The following SCARF1 variants were observed in gnomAD, a reference collection of about 807,000 sequenced individuals.
SCARF1 encodes acetyl LDL receptor.
SCARF1 carries 49 observed loss-of-function variants against 76.3 expected under a neutral mutation model. The observed-to-expected ratio is 0.64, with a 90% CI of 0.51 to 0.81. SCARF1 has a LOEUF of 0.81. Among genes scored for constraint, SCARF1 ranks in the 40% least tolerant of loss-of-function variants. The pLI is 0.00. For synonymous variants in SCARF1, 495 were observed against 474.6 expected, an observed-to-expected ratio of 1.04 and a Z score of -0.56; for missense variants, 1,098 against 1,143.9, an observed-to-expected ratio of 0.96 and a Z score of 0.58.
rs532436317 is a variant in SCARF1, at chr17:1,637,336, C to T, written c.1365-274G>A. 5.5e-3 allele frequency among the ~76,000 whole-genome samples: 399 copies of T among 73,168 alleles called. 1 individual carries two copies. Among genetic ancestry groups the T allele is most frequent in the Non-Finnish European group, 0.01 (291 of 28,030 alleles). The allele number at this position is 73,168 out of a possible 152,430, so 48.0% of individuals were successfully genotyped here. ...CATCTGTAAAACAGATCCTATCTAT[C>T]TATCTATCTATCTATCTATCTATCT... On this transcript the variant is annotated intron_variant, in intron 8 of 10. Coordinates refer to ENST00000263071, the MANE Select transcript of SCARF1 (RefSeq NM_003693.4).
intron 6 of SCARF1, 30 bp downstream of exon 6, chr17:1,639,882 C>T (rs757008661): frequency 6.2e-7 from 1 of 1,611,842 alleles, no homozygotes; most frequent in South Asian, 1.1e-5. Context: ...GCCCCTGGCA[C>T]TCTCCCGCCC....
intron 7 of SCARF1, among the ~76,000 whole-genome samples, chr17:1,639,150 G>C (rs1909833990): frequency 6.6e-6 from 1 of 152,310 alleles, no homozygotes; most frequent in East Asian, 1.9e-4. Flanking sequence ...GGTTTCGCAG[G>C]GGCGGGGGCT....
At chr17:1,635,900 G>A (rs1331810766) in intron 10 of SCARF1, among the ~76,000 whole-genome samples, 2 of 151,892 alleles carry the variant, frequency 1.3e-5, no homozygotes. Flanking sequence ...GGGATCACAG[G>A]TGTGAGTCAC....
Position 1,639,920 on chromosome 17 carries a change from C to G in SCARF1, c.1131G>C (p.Trp377Cys), listed in dbSNP as rs766461580. 6.2e-7 allele frequency: 1 copy of G among 1,613,438 alleles called. No individual in the cohort carries two copies. The highest frequency in any genetic ancestry group is 1.3e-5 in the African/African-American group (1 of 74,932). Residue 377 changes from tryptophan to cysteine, a missense_variant, in exon 6 of 11, where the codon TGG becomes TGC. Coordinates refer to ENST00000263071, the MANE Select transcript of SCARF1 (RefSeq NM_003693.4). The stretch of plus-strand genomic sequence containing the variant: ...GGGATCCCCATCCTTACCTGGGCCC[C>G]CAGTAGCCGGCACTGCAGACACAGT... ...TGDCVCSAGY[W>C]GPSCNASCPA...
Position 1,635,397 on chromosome 17 carries a change from C to A in SCARF1, c.1854G>T (p.Arg618Ser), listed in dbSNP as rs367744850. ...ELSSPLRKPK[R>S]LSRGAQSGPE... The stretch of plus-strand genomic sequence containing the variant: ...GACCCGACTGCGCCCCCCGGGAGAG[C>A]CTCTTGGGCTTTCGGAGCGGGCTGG... Residue 618 changes from arginine (R) to serine (S), a missense_variant, in exon 11 of 11, where the codon AGG (arginine) becomes AGT (serine). Physicochemically the swap from Arg to Ser is moderately radical, Grantham distance 110. Coordinates refer to ENST00000263071, the MANE Select transcript of SCARF1 (RefSeq NM_003693.4). The A allele has an allele frequency of 1.2e-6, 2 of 1,613,748 alleles. No homozygotes were observed. The highest frequency in any genetic ancestry group is 1.3e-5 in the African/African-American group (1 of 75,064).
chr17:1,644,463 C>T lies in SCARF1; in HGVS notation c.265+371G>A. 3.0e-6 allele frequency: 1 copy of T among 328,708 alleles called. No individual in the cohort carries two copies. The highest frequency in any genetic ancestry group is 5.6e-6 in the Non-Finnish European group (1 of 177,502). 20.4% of individuals were successfully genotyped at this position (328,708 alleles called of 1,614,324 possible). A position where few individuals can be genotyped will look rare whatever the true frequency, so the allele number is the denominator to read the frequency against. ...CAACCCCTTTCCCTTCCCTCTCTTT[C>T]TGCCAGAGAGGGCAGAGAGCCCAGC... On this transcript the variant is annotated intron_variant, in intron 3 of 10. Coordinates refer to ENST00000263071, the MANE Select transcript of SCARF1 (RefSeq NM_003693.4). This position sits in a 1 kb window ranked among gnomAD's most constrained non-coding sequence, Gnocchi z 4.8.
intron 7 of SCARF1, among the ~76,000 whole-genome samples, 180 bp downstream of exon 7, chr17:1,639,459 C>T (rs960909851): frequency 5.3e-5 from 8 of 150,006 alleles, no homozygotes; most frequent in African/African-American, 2.0e-4. Context: ...GAGCTGACAT[C>T]ACACCACTGC....
In SCARF1 at chr17:1,634,815, C is replaced by A; in HGVS notation, c.2436G>T (p.Arg812Ser). Residue 812 changes from arginine to serine, a missense_variant, in exon 11 of 11, where the codon AGG becomes AGT. Transcript: ENST00000263071. ...QDPQKQAEEE[R>S]QEEPEYENVV... ...CATTCTCATACTCAGGTTCCTCCTGCCTTTCCTCTTCAGCCTGCTTCTGGG... is the reference window on the plus strand; with the variant it reads ...CATTCTCATACTCAGGTTCCTCCTGACTTTCCTCTTCAGCCTGCTTCTGGG... The A allele has an allele frequency of 1.2e-6, 2 of 1,613,222 alleles. No individual in the cohort carries two copies. The highest frequency in any genetic ancestry group is 2.2e-5 in the South Asian group (2 of 91,058).
At position 1,638,885 on chromosome 17, in the gene SCARF1, C is replaced by A. The variant is rs373387132; in HGVS notation, c.1285G>T (p.Val429Leu). 1 of 1,610,278 alleles carries A rather than the reference C, an allele frequency of 6.2e-7. No homozygotes were observed. The highest frequency in any genetic ancestry group is 1.3e-5 in the African/African-American group (1 of 74,900). The change falls in exon 8 of 11, where the codon GTG becomes TTG. Residue 429 changes from valine (V) to leucine (L), a missense_variant. Coordinates refer to ENST00000263071, the MANE Select transcript of SCARF1 (RefSeq NM_003693.4). The part of the protein sequence containing the change: ...RDTALIAGSL[V>L]PLLLLFLGLA... Reference sequence around the variant, plus strand: ...CCCAGGAAGAGCAGCAGCAGAGGCACAAGGCTGCCCGCGATGAGGGCAGTG... The same window carrying A: ...CCCAGGAAGAGCAGCAGCAGAGGCAAAAGGCTGCCCGCGATGAGGGCAGTG...
At position 1,635,730 on chromosome 17, in the gene SCARF1, A is replaced by G. The variant is rs550516701; in HGVS notation, c.1634-113T>C. 35 of 1,310,800 alleles carry G rather than the reference A, an allele frequency of 2.7e-5. No individual in the cohort carries two copies. The African/African-American group carries it at 5.0e-4, about 19-fold the overall frequency. The allele number at this position is 1,310,800 out of a possible 1,614,324, so 81.2% of individuals were successfully genotyped here. On this transcript the variant is annotated intron_variant, in intron 10 of 10. Transcript: ENST00000263071. ...TCAAAAATAGGGCAAGGAAGAGGGCAAGGATGAGGAGAGTGGCAGAAGGAC... is the reference window on the plus strand; with the variant it reads ...TCAAAAATAGGGCAAGGAAGAGGGCGAGGATGAGGAGAGTGGCAGAAGGAC...
chr17:1,639,153 C>CG (rs1159566494), intron 7 of SCARF1, among the ~76,000 whole-genome samples: 1 of 152,208 alleles, frequency 6.6e-6, no homozygotes, highest in Non-Finnish European at 1.5e-5. Flanking sequence ...TTCGCAGGGG[C>CG]GGGGGCTCTG....
At chr17:1,636,667 G>A (rs751264499) in intron 10 of SCARF1, 42 bp downstream of exon 10, 2 of 1,602,530 alleles carry the variant, frequency 1.2e-6, no homozygotes, top group Non-Finnish European at 1.7e-6. Flanking sequence ...GGTCGTGGTG[G>A]GCAGGGCTGC....
At position 1,640,474 on chromosome 17, in the gene SCARF1, G is replaced by T; in HGVS notation, c.984C>A (p.Arg328=). 2 of 1,565,756 alleles carry T rather than the reference G, an allele frequency of 1.3e-6. No homozygotes were observed. The change falls in exon 5 of 11, where the codon CGC becomes CGA. Residue 328 remains arginine, a synonymous_variant. Transcript: ENST00000263071. The surrounding 1 kb of genome is among the most constrained non-coding windows in gnomAD (Gnocchi z 4.7). The part of the protein sequence containing the change: ...ACEPDTGHCQ[R]CDPGWLGPRC... The stretch of plus-strand genomic sequence containing the variant: ...TGGGCCCCAGCCAGCCAGGGTCACA[G>T]CGCTGACAGTGGCCAGTATCTGGCT...
Position 1,635,291 on chromosome 17 carries a change from C to T in SCARF1, c.1960G>A (p.Gly654Arg), listed in dbSNP as rs766299562. 14 of 1,612,178 alleles carry T rather than the reference C, an allele frequency of 8.7e-6. No homozygotes were observed. Among genetic ancestry groups the T allele is most frequent in the South Asian group, 3.3e-5 (3 of 91,018 alleles). ...PESFPAAASP[G>R]DSATGHRRPP... Reference sequence around the variant, plus strand: ...CGCCGGTGGCCAGTGGCTGAATCCCCGGGACTGGCAGCCGCCGGAAAGGAC... The same window carrying T: ...CGCCGGTGGCCAGTGGCTGAATCCCTGGGACTGGCAGCCGCCGGAAAGGAC... The change falls in exon 11 of 11, where the codon GGG becomes AGG. Residue 654 changes from glycine to arginine, a missense_variant. Physicochemically the swap from Gly to Arg is moderately radical, Grantham distance 125. Transcript: ENST00000263071.
At chr17:1,639,595 G>A (rs754117048) in intron 7 of SCARF1, 44 bp downstream of exon 7, 5 of 1,418,584 alleles carry the variant, frequency 3.5e-6, no homozygotes, top group East Asian at 2.5e-5. Context: ...TGAAGGGCCC[G>A]CCTTTCCCTG....
Position 1,635,139 on chromosome 17 carries a change from A to G in SCARF1, c.2112T>C (p.Pro704=), listed in dbSNP as rs753440439. Residue 704 remains proline, a synonymous_variant, in exon 11 of 11, where the codon CCT becomes CCC. Coordinates refer to ENST00000263071, the MANE Select transcript of SCARF1 (RefSeq NM_003693.4). ...CAAAATGGCGGAAGACAGAGCGGAC[A>G]GGGCCTTCGGATCCGCGGGGCTTCC... is the stretch of plus-strand genomic sequence containing the variant. ...LAGKPRGSEG[P]VRSVFRHFGS... 1.9e-6 allele frequency: 3 copies of G among 1,613,610 alleles called. No homozygotes were observed. The highest frequency in any genetic ancestry group is 2.5e-6 in the Non-Finnish European group (3 of 1,180,020).
Position 1,635,570 on chromosome 17 carries a change from C to T in SCARF1, c.1681G>A (p.Ala561Thr), listed in dbSNP as rs367732031. ...QAGSSEASLA[A>T]GAFPPPEDAS... Reference sequence around the variant, plus strand: ...TCCTCAGGGGGCGGGAAAGCACCTGCAGCCAGGCTGGCCTCTGACGACCCT... The same window carrying T: ...TCCTCAGGGGGCGGGAAAGCACCTGTAGCCAGGCTGGCCTCTGACGACCCT... The change falls in exon 11 of 11, where the codon GCA becomes ACA. Residue 561 changes from alanine (A) to threonine (T), a missense_variant. Ala to Thr is a moderately conservative substitution (Grantham distance 58). Transcript: ENST00000263071. 2.3e-5 allele frequency: 37 copies of T among 1,608,862 alleles called. No individual in the cohort carries two copies. Among genetic ancestry groups the T allele is most frequent in the Non-Finnish European group, 2.8e-5 (33 of 1,179,940 alleles).
chr17:1,643,972 G>A lies in SCARF1; in HGVS notation c.266-5C>T. 1.5e-6 allele frequency: 2 copies of A among 1,323,628 alleles called. No homozygotes were observed. Among genetic ancestry groups the A allele is most frequent in the Middle Eastern group, 2.9e-4 (1 of 3,508 alleles). 82.0% of individuals were successfully genotyped at this position (1,323,628 alleles called of 1,614,324 possible). On this transcript the variant is annotated splice_region_variant and splice_polypyrimidine_tract_variant and intron_variant, in intron 3 of 10. Coordinates refer to ENST00000263071, the MANE Select transcript of SCARF1 (RefSeq NM_003693.4). ...CCCAGTACTGGCCCGGGCAGCCTGCGGGGGTGGGGACGGGAGGGGTCAGCG... is the reference window on the plus strand; with the variant it reads ...CCCAGTACTGGCCCGGGCAGCCTGCAGGGGTGGGGACGGGAGGGGTCAGCG...
chr17:1,642,155 TA>T (rs1910104140), intron 4 of SCARF1, among the ~76,000 whole-genome samples: 1 of 151,454 alleles, frequency 6.6e-6, no homozygotes, highest in Admixed American at 6.6e-5. Flanking sequence ...ACCATTTTTT[TA>T]ATTTTCTTTT....
Sources: allele counts gnomAD v4.1 joint callset (sites outside exome capture counted in the v4.1 genomes callset), GRCh38; gene constraint gnomAD v4.1.1; non-coding constraint Gnocchi (gnomAD v3.1); transcripts MANE v1.5; gene names NCBI Gene and HGNC (gene_info 2026-07-23, HGNC 2026-07-21).